Variants in DLC1 observed in about 807,000 individuals in gnomAD.
DLC1 encodes rho GTPase-activating protein 7.
A neutral mutation model predicts 140.3 loss-of-function variants in DLC1; 54 were observed. That is an observed-to-expected ratio of 0.38 (90% CI 0.31 to 0.48). The LOEUF is 0.48. Among genes scored for constraint, DLC1 ranks in the 20% least tolerant of loss-of-function variants. DLC1 has a pLI of 0.96. For synonymous variants in DLC1, 986 were observed against 728.1 expected, an observed-to-expected ratio of 1.35 and a Z score of -5.70; for missense variants, 2,536 against 1,907.0, an observed-to-expected ratio of 1.33 and a Z score of -6.14.
intron 2 of DLC1, among the ~76,000 whole-genome samples, chr8:13,469,905 C>T (rs530374525): frequency 6.6e-6 from 1 of 152,160 alleles, no homozygotes; most frequent in South Asian, 2.1e-4. Flanking sequence ...TAGTTTCTGC[C>T]CTCCAGAATA....
chr8:13,432,082 T>C (rs1368863359), intron 2 of DLC1, among the ~76,000 whole-genome samples: 1 of 152,344 alleles, frequency 6.6e-6, no homozygotes, highest in East Asian at 1.9e-4. Flanking sequence ...AAGTATTCTT[T>C]GGTTGATATT....
chr8:13,163,707 G>A lies in DLC1; in HGVS notation c.1349-48050C>T, dbSNP rs759827083. On this transcript the variant is annotated intron_variant, in intron 5 of 17. Coordinates refer to ENST00000276297, the MANE Select transcript of DLC1 (RefSeq NM_182643.3). ...TAGCTAGATCAAGATCTGGCCAGAC[G>A]TGGTGGCTCCCACCTGTAATCCCAG... is the stretch of plus-strand genomic sequence containing the variant. Among the ~76,000 whole-genome samples the A allele has an allele frequency of 7.2e-4, 110 of 152,260 alleles. No individual in the cohort carries two copies. The Middle Eastern group carries it at 0.01, about 14-fold the overall frequency.
intron 5 of DLC1, chr8:13,276,395 C>G (rs562904462): frequency 6.7e-7 from 1 of 1,488,230 alleles, no homozygotes; most frequent in African/African-American, 1.4e-5. Flanking sequence ...CCTTGGGGTC[C>G]CCCATCCGCT....
intron 2 of DLC1, among the ~76,000 whole-genome samples, chr8:13,485,186 C>G (rs898522944): frequency 1.3e-5 from 2 of 152,124 alleles, no homozygotes; most frequent in Non-Finnish European, 2.9e-5. Flanking sequence ...TAACACACTT[C>G]TACTATTTTC....
intron 1 of DLC1, chr8:13,558,954 A>G (rs1322261038): frequency 2.0e-5 from 3 of 152,240 alleles, no homozygotes; most frequent in Non-Finnish European, 4.4e-5. Context: ...AGACAAAACA[A>G]AACAAAACAT....
At chr8:13,127,373 C>T (rs7829104) in intron 5 of DLC1, among the ~76,000 whole-genome samples, 15 of 152,046 alleles carry the variant, frequency 9.9e-5, no homozygotes, top group African/African-American at 3.1e-4. Context: ...GCCCCTCAGT[C>T]GGGAAAAGGC....
At chr8:13,402,770 T>C (rs936744698) in intron 2 of DLC1, among the ~76,000 whole-genome samples, 1 of 152,180 alleles carries the variant, frequency 6.6e-6, no homozygotes, top group Non-Finnish European at 1.5e-5. Context: ...CACAACTTCA[T>C]TTTTTTAATT....
intron 5 of DLC1, among the ~76,000 whole-genome samples, chr8:13,284,417 C>T (rs1291273745): frequency 5.3e-5 from 8 of 152,050 alleles, no homozygotes; most frequent in African/African-American, 1.9e-4. Flanking sequence ...ATCCCAGCTA[C>T]TCAGAAGGCT....
At chr8:13,494,014 T>A (rs192166252) in intron 2 of DLC1, among the ~76,000 whole-genome samples, 65 of 152,334 alleles carry the variant, frequency 4.3e-4, no homozygotes, top group African/African-American at 1.3e-3. Context: ...ATGTACAATA[T>A]AATGTTTTAT....
rs1823632619 is a variant in DLC1 at position 13,149,088 on chromosome 8, A to G, written c.1349-33431T>C. 2.0e-5 allele frequency among the ~76,000 whole-genome samples: 3 copies of G among 152,110 alleles called. 1 individual carries two copies. The highest frequency in any genetic ancestry group is 7.2e-5 in the African/African-American group (3 of 41,410). ...ATTACAGGTGTGAGCCACTGCGCCCAGCCAATAATATTTTTATGATACTGT... is the reference window on the plus strand; with the variant it reads ...ATTACAGGTGTGAGCCACTGCGCCCGGCCAATAATATTTTTATGATACTGT... On this transcript the variant is annotated intron_variant, in intron 5 of 17. Coordinates refer to ENST00000276297, the MANE Select transcript of DLC1 (RefSeq NM_182643.3).
rs575877685 is a variant in DLC1 at position 13,241,413 on chromosome 8, C to T, written c.1348+63856G>A. ...AACATTTCCAACCTGATTTGGGGTA[C>T]ATTTTTTTCCCTCTGGTTTCCTTTT... On this transcript the variant is annotated intron_variant, in intron 5 of 17. Transcript: ENST00000276297. 2.8e-4 allele frequency among the ~76,000 whole-genome samples: 42 copies of T among 152,136 alleles called. 1 individual carries two copies. The South Asian group carries it at 6.6e-3, about 24-fold the overall frequency.
intron 2 of DLC1, among the ~76,000 whole-genome samples, chr8:13,413,225 C>G (rs1837870149): frequency 7.8e-6 from 1 of 127,908 alleles, no homozygotes; most frequent in Non-Finnish European, 1.6e-5. Context: ...AATTCGTAAA[C>G]TTTCTTAAAA....
intron 1 of DLC1, among the ~76,000 whole-genome samples, chr8:13,584,802 A>T (rs1159906336): frequency 6.6e-6 from 1 of 152,166 alleles, no homozygotes; most frequent in Non-Finnish European, 1.5e-5. Flanking sequence ...GGAACTGTGC[A>T]CACACCCAGG....
chr8:13,572,461 T>C (rs760390968), intron 1 of DLC1, among the ~76,000 whole-genome samples: 1 of 152,202 alleles, frequency 6.6e-6, no homozygotes, highest in African/African-American at 2.4e-5. Flanking sequence ...ATAGTGTCTT[T>C]TTATACACAC....
chr8:13,140,451 T>C (rs1207906652), intron 5 of DLC1, among the ~76,000 whole-genome samples: 1 of 152,080 alleles, frequency 6.6e-6, no homozygotes, highest in Non-Finnish European at 1.5e-5. Context: ...CAGGCTCTTC[T>C]TGAACTCCTG....
chr8:13,198,022 T>C (rs1827166294), intron 5 of DLC1, among the ~76,000 whole-genome samples: 1 of 151,750 alleles, frequency 6.6e-6, no homozygotes, highest in Non-Finnish European at 1.5e-5. Flanking sequence ...AGAAACCGGC[T>C]GATAGGTTGA....
intron 1 of DLC1, among the ~76,000 whole-genome samples, chr8:13,548,665 C>T (rs999008505): frequency 1.3e-5 from 2 of 151,932 alleles, no homozygotes; most frequent in African/African-American, 2.4e-5. Context: ...GGCAATTCTA[C>T]GGATTTAATT....
chr8:13,369,656 A>G (rs896642410), intron 4 of DLC1, among the ~76,000 whole-genome samples: 2 of 152,150 alleles, frequency 1.3e-5, no homozygotes, highest in Admixed American at 6.6e-5. Context: ...TTAAAAATAC[A>G]TCTAGAATAA....
chr8:13,207,234 A>C (rs981075839), intron 5 of DLC1, among the ~76,000 whole-genome samples: 36 of 152,198 alleles, frequency 2.4e-4, no homozygotes, highest in African/African-American at 8.7e-4. Context: ...ACGTATTCAA[A>C]ATATAAAAAT....
Sources: gnomAD v4.1 joint callset for allele counts (sites outside exome capture counted in the v4.1 genomes callset) on GRCh38, gnomAD v4.1.1 for gene constraint, MANE v1.5 for transcripts, NCBI Gene and HGNC (gene_info 2026-07-23, HGNC 2026-07-21) for gene names.